PCDHGA8: variants seen among roughly 807,000 people sequenced by gnomAD.
The protein encoded by PCDHGA8 is protocadherin gamma-A8.
PCDHGA8 carries 45 observed loss-of-function variants against 59.2 expected under a neutral mutation model. That is an observed-to-expected ratio of 0.76 (90% CI 0.60 to 0.98). The LOEUF is 0.98. PCDHGA8 is among the 50% of genes least tolerant of loss of function. PCDHGA8 has a pLI of 0.00. For missense variants in PCDHGA8, 1,257 were observed against 1,196.2 expected, an observed-to-expected ratio of 1.05 and a Z score of -0.75; for synonymous variants, 531 against 519.0, an observed-to-expected ratio of 1.02 and a Z score of -0.32.
chr5:141,409,541 G>A (rs1485327824), intron 1 of PCDHGA8: 5 of 1,613,852 alleles, frequency 3.1e-6, no homozygotes, highest in South Asian at 1.1e-5. Flanking sequence ...TGACATCAAC[G>A]ACAACGCCCC....
chr5:141,457,972 A>AC (rs1198043621), intron 1 of PCDHGA8, among the ~76,000 whole-genome samples: 4 of 152,218 alleles, frequency 2.6e-5, no homozygotes, highest in African/African-American at 9.6e-5. Flanking sequence ...TTAAAGGGAA[A>AC]CACACCCTTT....
intron 1 of PCDHGA8, among the ~76,000 whole-genome samples, chr5:141,474,114 C>T (rs940809934): frequency 2.6e-5 from 4 of 152,224 alleles, no homozygotes; most frequent in South Asian, 2.1e-4. Context: ...ACAACAACAA[C>T]GAAAATCTCA....
At position 141,394,962 on chromosome 5, in the gene PCDHGA8, A is replaced by C. The variant is rs971000405; in HGVS notation, c.2149A>C (p.Arg717=). ...FVAVLLGLRL[R]RWHKSRLLQD... ...CGCTGTGCTTCTGGGGCTCAGGCTG[A>C]GGCGCTGGCACAAGTCACGCCTGCT... The change falls in exon 1 of 4, where the codon AGG becomes CGG. Residue 717 remains arginine (R), a synonymous_variant. Coordinates refer to ENST00000398604, the MANE Select transcript of PCDHGA8 (RefSeq NM_032088.2). 6.2e-7 allele frequency: 1 copy of C among 1,613,828 alleles called. No individual in the cohort carries two copies. The highest frequency in any genetic ancestry group is 8.5e-7 in the Non-Finnish European group (1 of 1,179,860).
At chr5:141,478,231 T>C (rs1423148) in intron 1 of PCDHGA8, 739,438 of 1,613,786 alleles carry the variant, frequency 0.46, 177,434 homozygotes, top group African/African-American at 0.83. Flanking sequence ...CTGTGGGGTT[T>C]GTGGTCACAG....
Position 141,403,252 on chromosome 5 carries a change from G to A in PCDHGA8, c.2424+8015G>A, listed in dbSNP as rs180687908. 8.6e-4 allele frequency: 1,389 copies of A among 1,613,900 alleles called. 2 individuals carry two copies. Among genetic ancestry groups the A allele is most frequent in the Non-Finnish European group, 1.1e-3 (1,338 of 1,179,904 alleles). On this transcript the variant is annotated intron_variant, in intron 1 of 3. Transcript: ENST00000398604. Reference sequence around the variant, plus strand: ...GGGAGGAGCTCTGTGCTCAGAGCCCGCGGTGTCTGGTGAACTTTAAAGTCC... The same window carrying A: ...GGGAGGAGCTCTGTGCTCAGAGCCCACGGTGTCTGGTGAACTTTAAAGTCC...
Position 141,486,032 on chromosome 5 carries a change from G to C in PCDHGA8, c.2425-8775G>C, listed in dbSNP as rs560909128. The C allele has an allele frequency of 1.2e-6, 2 of 1,614,166 alleles. No individual in the cohort carries two copies. Among genetic ancestry groups the C allele is most frequent in the African/African-American group, 2.7e-5 (2 of 75,034 alleles). On this transcript the variant is annotated intron_variant, in intron 1 of 3. Transcript: ENST00000398604. This position sits in a 1 kb window ranked among gnomAD's most constrained non-coding sequence, Gnocchi z 5.0. ...CTTTTATTTCAGTGGTCATACCCCT[G>C]ATCGTGTAAGAAACCTCTTTAGCCT... is the stretch of plus-strand genomic sequence containing the variant.
intron 1 of PCDHGA8, chr5:141,422,893 C>T (rs1405800318): frequency 3.1e-6 from 5 of 1,614,128 alleles, no homozygotes; most frequent in Admixed American, 3.3e-5. Flanking sequence ...CGTGCTGGAC[C>T]AGAACGACAA....
chr5:141,409,303 C>G, intron 1 of PCDHGA8: 3 of 1,613,922 alleles, frequency 1.9e-6, no homozygotes, highest in South Asian at 2.2e-5. Flanking sequence ...TGGTTGTTGC[C>G]CTCTTCAAAA....
chr5:141,483,456 G>T (rs2099581503), intron 1 of PCDHGA8, among the ~76,000 whole-genome samples: 1 of 152,180 alleles, frequency 6.6e-6, no homozygotes, highest in Admixed American at 6.5e-5. Context: ...ATCAGGACTT[G>T]TTGATTGACA....
intron 1 of PCDHGA8, among the ~76,000 whole-genome samples, chr5:141,450,013 T>A (rs1178482524): frequency 7.4e-6 from 1 of 135,940 alleles, no homozygotes; most frequent in African/African-American, 3.2e-5. Flanking sequence ...TCTCTTTTTT[T>A]TTTTTTTTTT....
In PCDHGA8 at chr5:141,487,259, T is replaced by A. The variant is rs2099641960; in HGVS notation, c.2425-7548T>A. 1.9e-6 allele frequency: 3 copies of A among 1,614,014 alleles called. No individual in the cohort carries two copies. The highest frequency in any genetic ancestry group is 1.3e-5 in the African/African-American group (1 of 74,926). ...TCGTCTAACCCTCTACTTGGCTGTGTCCCTAGTGGCAATTTGCTTTGTCTC... is the reference window on the plus strand; with the variant it reads ...TCGTCTAACCCTCTACTTGGCTGTGACCCTAGTGGCAATTTGCTTTGTCTC... On this transcript the variant is annotated intron_variant, in intron 1 of 3. Coordinates refer to ENST00000398604, the MANE Select transcript of PCDHGA8 (RefSeq NM_032088.2). The surrounding 1 kb of genome is among the most constrained non-coding windows in gnomAD (Gnocchi z 5.0).
chr5:141,410,847 G>GTTT (rs773839667), intron 1 of PCDHGA8: 4 of 158,330 alleles, frequency 2.5e-5, no homozygotes, highest in South Asian at 1.1e-4. Context: ...TTTTGTCTTT[G>GTTT]TCTTTTTTTT....
intron 1 of PCDHGA8, among the ~76,000 whole-genome samples, chr5:141,483,164 T>C (rs1051456583): frequency 1.1e-4 from 17 of 152,148 alleles, no homozygotes; most frequent in Non-Finnish European, 2.5e-4. Context: ...AGATCCTGAG[T>C]TACCTTTGGG....
intron 1 of PCDHGA8, chr5:141,410,478 C>G (rs767257836): frequency 6.2e-7 from 1 of 1,613,992 alleles, no homozygotes; most frequent in Non-Finnish European, 8.5e-7. Context: ...ATTGCACATA[C>G]GGGTACAAAA....
At chr5:141,426,153 T>C (rs928934950) in intron 1 of PCDHGA8, 12 of 154,130 alleles carry the variant, frequency 7.8e-5, no homozygotes, top group African/African-American at 2.6e-4. Flanking sequence ...CTCCTGCAAA[T>C]CTGATTCCAT....
intron 1 of PCDHGA8, chr5:141,423,800 T>C: frequency 1.6e-5 from 14 of 895,104 alleles, no homozygotes; most frequent in East Asian, 1.3e-4. Context: ...TTTAGAGCAA[T>C]ACATGTGAGT....
At chr5:141,408,280 C>A in intron 1 of PCDHGA8, 4 of 1,612,648 alleles carry the variant, frequency 2.5e-6, no homozygotes, top group Non-Finnish European at 3.4e-6. Context: ...CTTTGTTCTA[C>A]CCCACCCTGA....
At position 141,392,774 on chromosome 5, in the gene PCDHGA8, C is replaced by G. The variant is rs752798314; in HGVS notation, c.-40C>G. 6.6e-7 allele frequency: 1 copy of G among 1,520,452 alleles called. No individual in the cohort carries two copies. Among genetic ancestry groups the G allele is most frequent in the East Asian group, 2.3e-5 (1 of 42,918 alleles). The allele number at this position is 1,520,452 out of a possible 1,614,324, so 94.2% of individuals were successfully genotyped here. On this transcript the variant is annotated 5_prime_UTR_variant, in exon 1 of 4. Coordinates refer to ENST00000398604, the MANE Select transcript of PCDHGA8 (RefSeq NM_032088.2). ...AGAAACTAAATAAGACCCATTTATG[C>G]ACAGTGAAGATTCTGAGAGGATTCT...
intron 1 of PCDHGA8, chr5:141,408,068 C>G: frequency 7.3e-7 from 1 of 1,367,282 alleles, no homozygotes; most frequent in Non-Finnish European, 9.7e-7. Flanking sequence ...GCTGCGCAGA[C>G]CTTTCCCAGC....
Sources: allele counts gnomAD v4.1 joint callset (sites outside exome capture counted in the v4.1 genomes callset), GRCh38; gene constraint gnomAD v4.1.1; non-coding constraint Gnocchi (gnomAD v3.1); transcripts MANE v1.5; gene names NCBI Gene and HGNC (gene_info 2026-07-23, HGNC 2026-07-21).